Variants in MALRD1 observed in about 807,000 individuals in gnomAD.
The protein encoded by MALRD1 is MAM and LDL receptor class A domain containing 1.
MALRD1 carries 247 observed loss-of-function variants against 242.1 expected under a neutral mutation model. The observed-to-expected ratio is 1.02, with a 90% CI of 0.92 to 1.13. The LOEUF is 1.13. MALRD1 is among the 50% of genes most tolerant of loss of function. The pLI is 0.00. For synonymous variants in MALRD1, 995 were observed against 866.6 expected, an observed-to-expected ratio of 1.15 and a Z score of -2.60; for missense variants, 2,989 against 2,533.1, an observed-to-expected ratio of 1.18 and a Z score of -3.86.
intron 32 of MALRD1, among the ~76,000 whole-genome samples, chr10:19,532,452 C>T (rs1834461089): frequency 6.6e-6 from 1 of 152,112 alleles, no homozygotes. Context: ...GATGGGGTTT[C>T]ATCATGTTGG....
At chr10:19,564,252 T>C (rs1447521994) in intron 32 of MALRD1, among the ~76,000 whole-genome samples, 9 of 152,168 alleles carry the variant, frequency 5.9e-5, no homozygotes, top group Admixed American at 4.6e-4. Context: ...TCATTAAAAA[T>C]AAATGCTGAG....
chr10:19,264,476 C>T (rs533343882), intron 19 of MALRD1, among the ~76,000 whole-genome samples: 13 of 138,266 alleles, frequency 9.4e-5, no homozygotes, highest in South Asian at 2.3e-4. Context: ...TTTTTTGAGA[C>T]GGAGTCTTGC....
intron 24 of MALRD1, among the ~76,000 whole-genome samples, chr10:19,339,136 A>G (rs1170762936): frequency 1.3e-5 from 2 of 151,928 alleles, no homozygotes; most frequent in Non-Finnish European, 1.5e-5. Context: ...GCAGCTCTAC[A>G]CTTAGTTTGG....
chr10:19,204,280 C>CGTT, intron 15 of MALRD1, 28 bp from the exon 16 acceptor site: 1 of 1,008,148 alleles, frequency 9.9e-7, no homozygotes, highest in South Asian at 1.5e-5. Context: ...GTTAATGAAG[C>CGTT]GTTTTTTTTT....
intron 29 of MALRD1, among the ~76,000 whole-genome samples, chr10:19,457,685 C>T (rs1835729865): frequency 6.7e-6 from 1 of 149,222 alleles, no homozygotes; most frequent in African/African-American, 2.5e-5. Flanking sequence ...AAGCAAGAAA[C>T]TAGGGAGAAC....
chr10:19,622,647 G>GAA lies in MALRD1; in HGVS notation c.6137+6736_6137+6737dup, dbSNP rs370996237. Among the ~76,000 whole-genome samples the GAA allele has an allele frequency of 2.9e-3, 370 of 126,262 alleles. 5 individuals carry two copies. In the East Asian group the frequency reaches 0.063, roughly 21 times the overall value. The allele number at this position is 126,262 out of a possible 152,430, so 82.8% of individuals were successfully genotyped here. ...GTGGAACAATAGCTAGTAAAACACT[G>GAA]AAAAAAAAAAAAACAAACTATGAGA... On this transcript the variant is annotated intron_variant, in intron 36 of 39. Transcript: ENST00000454679.
intron 33 of MALRD1, among the ~76,000 whole-genome samples, chr10:19,587,997 A>G (rs1837530336): frequency 6.6e-6 from 1 of 151,730 alleles, no homozygotes; most frequent in Non-Finnish European, 1.5e-5. Flanking sequence ...TTTTAAATAT[A>G]TATACATGTA....
At chr10:19,348,199 A>T (rs147490647) in intron 25 of MALRD1, among the ~76,000 whole-genome samples, 181 bp downstream of exon 25, 53 of 152,302 alleles carry the variant, frequency 3.5e-4, no homozygotes, top group African/African-American at 1.3e-3. Flanking sequence ...AAGGATTGCT[A>T]TAACTGTTGG....
At chr10:19,504,538 A>C (rs530907504) in intron 31 of MALRD1, among the ~76,000 whole-genome samples, 1 of 152,190 alleles carries the variant, frequency 6.6e-6, no homozygotes, top group East Asian at 1.9e-4. Context: ...TTATTCCTGG[A>C]CCCACTTTGA....
At chr10:19,727,286 T>A (rs1835072602) in intron 38 of MALRD1, among the ~76,000 whole-genome samples, 1 of 152,200 alleles carries the variant, frequency 6.6e-6, no homozygotes, top group Admixed American at 6.5e-5. Flanking sequence ...GGTTTTTGTT[T>A]TATTCTTTTT....
At chr10:19,171,220 A>G (rs929307692) in intron 13 of MALRD1, among the ~76,000 whole-genome samples, 1 of 151,684 alleles carries the variant, frequency 6.6e-6, no homozygotes, top group South Asian at 2.1e-4. Context: ...ATCCCAAAAA[A>G]TAGTTTTAGA....
chr10:19,655,528 GTGTATATATATATA>G (rs1841107305), intron 36 of MALRD1, among the ~76,000 whole-genome samples: 2 of 102,940 alleles, frequency 1.9e-5, no homozygotes, highest in African/African-American at 7.2e-5. Context: ...ATATGTGTGA[GTGTATATATATATA>G]TATATATATA....
chr10:19,540,101 C>T (rs1834897091), intron 32 of MALRD1, among the ~76,000 whole-genome samples: 1 of 152,000 alleles, frequency 6.6e-6, no homozygotes, highest in Middle Eastern at 3.2e-3. Context: ...CTTTGTCAAA[C>T]TCACTGAGGG....
chr10:19,462,644 T>C (rs1420462229), intron 29 of MALRD1, among the ~76,000 whole-genome samples: 2 of 152,236 alleles, frequency 1.3e-5, no homozygotes, highest in African/African-American at 4.8e-5. Context: ...TCTTAGAACA[T>C]GATATTTTGC....
intron 14 of MALRD1, among the ~76,000 whole-genome samples, chr10:19,191,044 C>A (rs1835953290): frequency 6.6e-6 from 1 of 151,970 alleles, no homozygotes; most frequent in Admixed American, 6.6e-5. Flanking sequence ...AAACTTTTTG[C>A]AAATTGTATA....
intron 38 of MALRD1, among the ~76,000 whole-genome samples, chr10:19,694,526 T>A (rs996490520): frequency 2.6e-5 from 4 of 152,140 alleles, no homozygotes; most frequent in Admixed American, 6.5e-5. Context: ...GAATGAGATA[T>A]CATCTCACAC....
At chr10:19,193,970 T>C (rs1836115986) in intron 14 of MALRD1, among the ~76,000 whole-genome samples, 2 of 151,854 alleles carry the variant, frequency 1.3e-5, no homozygotes, top group Non-Finnish European at 2.9e-5. Flanking sequence ...AGAGAAAAAA[T>C]AGTAGGGTCT....
chr10:19,600,208 G>A (rs1838287051), intron 34 of MALRD1, among the ~76,000 whole-genome samples: 1 of 152,090 alleles, frequency 6.6e-6, no homozygotes, highest in Admixed American at 6.6e-5. Flanking sequence ...TGAAAGCTAT[G>A]ATCCCAACAT....
At chr10:19,588,084 A>G (rs1837537960) in intron 33 of MALRD1, among the ~76,000 whole-genome samples, 1 of 152,144 alleles carries the variant, frequency 6.6e-6, no homozygotes, top group Non-Finnish European at 1.5e-5. Flanking sequence ...GACCTGTAGG[A>G]TGCATATGAA....
Sources: allele counts gnomAD v4.1 joint callset (sites outside exome capture counted in the v4.1 genomes callset), GRCh38; gene constraint gnomAD v4.1.1; transcripts MANE v1.5; gene names NCBI Gene and HGNC (gene_info 2026-07-23, HGNC 2026-07-21).